TRAPPC12: variants seen among roughly 807,000 people sequenced by gnomAD.
The protein encoded by TRAPPC12 is trafficking protein particle complex subunit 12.
In TRAPPC12, 61 loss-of-function variants were observed where a neutral mutation model predicts 69.2. The ratio of observed to expected loss-of-function variants is 0.88; its 90% CI spans 0.72 to 1.09. TRAPPC12 has a LOEUF of 1.09. Among genes scored for constraint, TRAPPC12 ranks in the 50% least tolerant of loss-of-function variants. The pLI, the probability that TRAPPC12 is intolerant of heterozygous loss-of-function variation, is 0.00. For missense variants in TRAPPC12, 1,101 were observed against 1,016.4 expected, an observed-to-expected ratio of 1.08 and a Z score of -1.13; for synonymous variants, 469 against 438.9, an observed-to-expected ratio of 1.07 and a Z score of -0.86.
chr2:3,428,987 A>C (rs1273405540), intron 5 of TRAPPC12, among the ~76,000 whole-genome samples: 3 of 151,948 alleles, frequency 2.0e-5, no homozygotes, highest in Non-Finnish European at 4.4e-5. Flanking sequence ...CAGACCCTAC[A>C]TCCATCCCTA....
In TRAPPC12 at chr2:3,478,777, G is replaced by C. The variant is rs1294496595; in HGVS notation, c.1878-69G>C. 4.3e-6 allele frequency: 6 copies of C among 1,398,258 alleles called. No homozygotes were observed. In the Admixed American group the frequency reaches 1.0e-4, roughly 24 times the overall value. The allele number at this position is 1,398,258 out of a possible 1,614,324, so 86.6% of individuals were successfully genotyped here. On this transcript the variant is annotated intron_variant, in intron 10 of 11. Coordinates refer to ENST00000324266, the MANE Select transcript of TRAPPC12 (RefSeq NM_016030.6). ...GGTCTCTGTGGGATCCAAAGCCCCT[G>C]TGGGTTGTGTTGGGGGACAGCAGCT...
At chr2:3,400,054 CTT>C (rs1194904517) in intron 2 of TRAPPC12, among the ~76,000 whole-genome samples, 2 of 152,216 alleles carry the variant, frequency 1.3e-5, no homozygotes, top group Non-Finnish European at 2.9e-5. Flanking sequence ...TAGTTTGAGT[CTT>C]TCTTCTGCTC....
At position 3,388,089 on chromosome 2, in the gene TRAPPC12, C is replaced by G. The variant is rs1295386990; in HGVS notation, c.466C>G (p.Pro156Ala). 6.5e-7 allele frequency: 1 copy of G among 1,543,450 alleles called. No individual in the cohort carries two copies. The highest frequency in any genetic ancestry group is 1.4e-5 in the African/African-American group (1 of 71,734). Residue 156 changes from proline (P) to alanine (A), a missense_variant, in exon 2 of 12, where the codon CCG (proline) becomes GCG (alanine). Coordinates refer to ENST00000324266, the MANE Select transcript of TRAPPC12 (RefSeq NM_016030.6). ...GGAGCAGGAGCCTCCCGTTGCGGAG[C>G]CGGTCCCGGTGTGCACCATCTTCAG... ...RPEQEPPVAE[P>A]VPVCTIFSQR...
At chr2:3,446,555 C>T (rs1178511015) in intron 6 of TRAPPC12, among the ~76,000 whole-genome samples, 1 of 152,226 alleles carries the variant, frequency 6.6e-6, no homozygotes, top group African/African-American at 2.4e-5. Flanking sequence ...CCAACTTCCT[C>T]GCTCACTTCC....
chr2:3,403,078 A>G (rs12104817), intron 3 of TRAPPC12, among the ~76,000 whole-genome samples: 3,495 of 152,234 alleles, frequency 0.023, 176 homozygotes, highest in African/African-American at 0.08. Flanking sequence ...GACACTCTCC[A>G]TTTGGGTGAA....
At chr2:3,448,784 G>GC (rs1558391410) in intron 6 of TRAPPC12, among the ~76,000 whole-genome samples, 2 of 152,176 alleles carry the variant, frequency 1.3e-5, no homozygotes, top group African/African-American at 4.8e-5. Flanking sequence ...AGGGCGGAGG[G>GC]CGTGTGCCGG....
At chr2:3,453,333 A>G in intron 6 of TRAPPC12, among the ~76,000 whole-genome samples, 1 of 152,226 alleles carries the variant, frequency 6.6e-6, no homozygotes, top group East Asian at 1.9e-4. Flanking sequence ...CCCGTCGGGA[A>G]CAGCTCCCAG....
chr2:3,424,665 T>TA lies in TRAPPC12; in HGVS notation c.1417+4dup, dbSNP rs1392626324. On this transcript the variant is annotated splice_region_variant and intron_variant, in intron 5 of 11. Transcript: ENST00000324266. ...CGCACGTGTACCCTGGGCGCAGGGG[T>TA]AAGGCCATGGTATTTAATATTTGTA... is the stretch of plus-strand genomic sequence containing the variant. 6.9e-6 allele frequency: 11 copies of TA among 1,598,820 alleles called. No homozygotes were observed. The highest frequency in any genetic ancestry group is 1.3e-5 in the African/African-American group (1 of 74,136).
chr2:3,464,712 C>T (rs949829655), intron 8 of TRAPPC12, among the ~76,000 whole-genome samples: 1 of 152,152 alleles, frequency 6.6e-6, no homozygotes, highest in African/African-American at 2.4e-5. Context: ...AGACAAGCTA[C>T]CACTGTGTCC....
intron 2 of TRAPPC12, among the ~76,000 whole-genome samples, chr2:3,394,313 C>T (rs1488763491): frequency 1.3e-5 from 2 of 152,128 alleles, no homozygotes; most frequent in Admixed American, 6.5e-5. Context: ...CAGGCAAAAC[C>T]AAAGTTCTGT....
At chr2:3,477,190 A>T (rs1044408627) in intron 9 of TRAPPC12, among the ~76,000 whole-genome samples, 1 of 152,156 alleles carries the variant, frequency 6.6e-6, no homozygotes, top group African/African-American at 2.4e-5. Flanking sequence ...GACATGCGTG[A>T]TAAGAGTGGG....
At chr2:3,453,754 C>T (rs780371401) in intron 6 of TRAPPC12, among the ~76,000 whole-genome samples, 3 of 152,338 alleles carry the variant, frequency 2.0e-5, no homozygotes, top group Admixed American at 1.3e-4. Flanking sequence ...CATTTGCAAA[C>T]GACACACTGT....
At chr2:3,400,428 G>A (rs1661375173) in intron 2 of TRAPPC12, among the ~76,000 whole-genome samples, 1 of 152,138 alleles carries the variant, frequency 6.6e-6, no homozygotes, top group South Asian at 2.1e-4. Context: ...AGGGACCTCA[G>A]CGCTGCTTCC....
At chr2:3,403,128 AAG>A (rs1359675853) in intron 3 of TRAPPC12, among the ~76,000 whole-genome samples, 1 of 152,174 alleles carries the variant, frequency 6.6e-6, no homozygotes, top group African/African-American at 2.4e-5. Flanking sequence ...ACTTTCAAAA[AAG>A]AGAATGGAAT....
intron 9 of TRAPPC12, among the ~76,000 whole-genome samples, chr2:3,474,582 C>T (rs954389445): frequency 6.6e-6 from 1 of 152,232 alleles, no homozygotes; most frequent in African/African-American, 2.4e-5. Flanking sequence ...AAACACTGAC[C>T]ATGTGTTGCT....
chr2:3,441,335 A>G (rs1440955475), intron 5 of TRAPPC12, among the ~76,000 whole-genome samples: 1 of 152,100 alleles, frequency 6.6e-6, no homozygotes, highest in East Asian at 1.9e-4. Context: ...GCTTTTTGGA[A>G]AGGTTTTTCT....
Position 3,387,678 on chromosome 2 carries a change from C to T in TRAPPC12, c.55C>T (p.Pro19Ser), listed in dbSNP as rs752393610. 3.2e-6 allele frequency: 5 copies of T among 1,558,666 alleles called. No homozygotes were observed. The African/African-American group carries it at 4.1e-5, about 13-fold the overall frequency. The change falls in exon 2 of 12, where the codon CCT (proline) becomes TCT (serine). Residue 19 changes from proline to serine, a missense_variant. Transcript: ENST00000324266. ...CCCGGCCCCGGAGGCCCCGCACCCC[C>T]CTCAGCTCGCGCCTCCGGAGGAGCA... ...ETPAPEAPHPPQLAPPEEQGL... is the reference protein window; with the variant it reads ...ETPAPEAPHPSQLAPPEEQGL...
At chr2:3,473,417 T>C (rs1172444509) in intron 9 of TRAPPC12, among the ~76,000 whole-genome samples, 1 of 152,242 alleles carries the variant, frequency 6.6e-6, no homozygotes, top group Non-Finnish European at 1.5e-5. Context: ...AAGAATGTTT[T>C]ATAACATAAA....
At chr2:3,423,320 CTT>C in intron 4 of TRAPPC12, among the ~76,000 whole-genome samples, 1 of 102,754 alleles carries the variant, frequency 9.7e-6, no homozygotes, top group South Asian at 3.6e-4. Flanking sequence ...CCTCGCATGC[CTT>C]TGTGTGTGTG....
Sources: allele counts gnomAD v4.1 joint callset (sites outside exome capture counted in the v4.1 genomes callset), GRCh38; gene constraint gnomAD v4.1.1; transcripts MANE v1.5; gene names NCBI Gene and HGNC (gene_info 2026-07-23, HGNC 2026-07-21).